RIMBP2: variants seen among roughly 807,000 people sequenced by gnomAD.
RIMBP2 encodes RIMS binding protein 2, also known as RIMS-binding protein 2.
RIMBP2 carries 48 observed loss-of-function variants against 118.6 expected under a neutral mutation model. That is an observed-to-expected ratio of 0.40 (90% CI 0.32 to 0.51). The LOEUF (loss-of-function observed/expected upper bound fraction) is 0.51. RIMBP2 is among the 20% of genes least tolerant of loss of function. The pLI, the probability that RIMBP2 is intolerant of heterozygous loss-of-function variation, is 0.41. For missense variants in RIMBP2, 1,551 were observed against 1,768.3 expected (o/e 0.88, Z 2.20); for synonymous variants, 762 against 742.9 (o/e 1.03, Z -0.42).
rs147517687 is a variant in RIMBP2 at position 130,437,153 on chromosome 12, G to C, written c.1795C>G (p.Pro599Ala). The C allele has an allele frequency of 6.3e-7, 1 of 1,585,690 alleles. No individual in the cohort carries two copies. The highest frequency in any genetic ancestry group is 1.1e-5 in the South Asian group (1 of 87,710). ...GTAGGAGGCACCAGGAGCTCGGGGG[G>C]AACGGCAGCAACTGCAGAGTCCACG... ...ESVDSAVAAV[P>A]PELLVPPTPH... Residue 599 changes from proline to alanine, a missense_variant, in exon 13 of 23, where the codon CCC becomes GCC. Around this residue, in one of 5 missense-constraint regions of RIMBP2, gnomAD observed 1,038 missense variants for 1,125.1 expected, o/e 0.92. Transcript: ENST00000690449.
Position 130,424,970 on chromosome 12 carries a change from G to A in RIMBP2, c.2413-112C>T, listed in dbSNP as rs550530310. 253 of 544,032 alleles carry A rather than the reference G, an allele frequency of 4.7e-4. 2 individuals are homozygous for A. The East Asian group carries it at 7.1e-3, about 15-fold the overall frequency. 33.7% of individuals were successfully genotyped at this position (544,032 alleles called of 1,614,324 possible). On this transcript the variant is annotated intron_variant, in intron 15 of 22. Coordinates refer to ENST00000690449, the MANE Select transcript of RIMBP2 (RefSeq NM_001393629.1). The surrounding 1 kb of genome is among the most constrained non-coding windows in gnomAD (Gnocchi z 9.8). ...ACAGAATTAGTCCTGGAGGCACCGAGGGGGGGGAAGCATGCGTCTACTCAG... is the reference window on the plus strand; with the variant it reads ...ACAGAATTAGTCCTGGAGGCACCGAAGGGGGGGAAGCATGCGTCTACTCAG...
chr12:130,579,405 C>T (rs547533748), intron 2 of RIMBP2, among the ~76,000 whole-genome samples: 3 of 152,284 alleles, frequency 2.0e-5, no homozygotes, highest in Non-Finnish European at 4.4e-5. Flanking sequence ...TGGTAGATGA[C>T]GTTTCACACC....
intron 1 of RIMBP2, among the ~76,000 whole-genome samples, chr12:130,645,764 G>T (rs1457794405): frequency 6.6e-6 from 1 of 152,158 alleles, no homozygotes; most frequent in Non-Finnish European, 1.5e-5. Context: ...GGACTTTCAG[G>T]TTATTTAAAC....
In RIMBP2 at chr12:130,442,375, A is replaced by G; in HGVS notation, c.977T>C (p.Leu326Pro). 6.2e-7 allele frequency: 1 copy of G among 1,613,898 alleles called. No homozygotes were observed. Among genetic ancestry groups the G allele is most frequent in the Non-Finnish European group, 8.5e-7 (1 of 1,179,984 alleles). ...YPRKITLIKQ[L>P]AKSVIVGWEP... The stretch of plus-strand genomic sequence containing the variant: ...CCAGCCCACAATAACACTTTTGGCG[A>G]GTTGTTTGATGAGGGTGATTTTTCT... Residue 326 changes from leucine (L) to proline (P), a missense_variant, in exon 11 of 23, where the codon CTC (leucine) becomes CCC (proline). By Grantham distance (98) the Leu-to-Pro change is moderately conservative. This residue lies in a region of RIMBP2 where 265 missense variants were observed against 349.5 expected (regional missense o/e 0.76). Transcript: ENST00000690449. This position sits in a 1 kb window ranked among gnomAD's most constrained non-coding sequence, Gnocchi z 6.9.
At position 130,414,188 on chromosome 12, in the gene RIMBP2, G is replaced by A; in HGVS notation, c.3357C>T (p.Thr1119=). ...FVALFDYDPL[T]MSPNPDAAEE... ...CTGCAGCATCTGGGTTTGGGGACAT[G>A]GTGAGCGGGTCGTAGTCAAAGAGAG... Residue 1119 remains threonine, a synonymous_variant, in exon 18 of 23, where the codon ACC becomes ACT. Coordinates refer to ENST00000690449, the MANE Select transcript of RIMBP2 (RefSeq NM_001393629.1). 1 of 1,614,244 alleles carries A rather than the reference G, an allele frequency of 6.2e-7. No homozygotes were observed. The highest frequency in any genetic ancestry group is 8.5e-7 in the Non-Finnish European group (1 of 1,180,054).
intron 1 of RIMBP2, among the ~76,000 whole-genome samples, chr12:130,701,841 G>T (rs2065870991): frequency 6.6e-6 from 1 of 152,098 alleles, no homozygotes; most frequent in African/African-American, 2.4e-5. Context: ...AAGGAGCCGG[G>T]ATCAGGGTTG....
At position 130,581,908 on chromosome 12, in the gene RIMBP2, G is replaced by A. The variant is rs1038758894; in HGVS notation, c.-217+46414C>T. The stretch of plus-strand genomic sequence containing the variant: ...CAGAGTTAAACCAAAGGCCCGAAAG[G>A]CTCTGCATGACCTGGCCTCTCCTCC... On this transcript the variant is annotated intron_variant, in intron 2 of 22. Coordinates refer to ENST00000690449, the MANE Select transcript of RIMBP2 (RefSeq NM_001393629.1). This position sits in a 1 kb window ranked among gnomAD's most constrained non-coding sequence, Gnocchi z 4.4. Among the ~76,000 whole-genome samples, 1 of 152,030 alleles carries A rather than the reference G, an allele frequency of 6.6e-6. No homozygotes were observed.
chr12:130,465,641 T>C (rs58311858), intron 6 of RIMBP2: 3,177 of 152,082 alleles, frequency 0.021, 93 homozygotes, highest in East Asian at 0.16. Flanking sequence ...ATCAGCAAAA[T>C]GAGGTGACAG....
intron 2 of RIMBP2, among the ~76,000 whole-genome samples, chr12:130,556,344 C>G (rs538119976): frequency 6.6e-6 from 1 of 152,074 alleles, no homozygotes; most frequent in South Asian, 2.1e-4. Context: ...CCCTAGAGAC[C>G]GATGATTCAT....
At chr12:130,484,464 C>A (rs1183707474) in intron 4 of RIMBP2, among the ~76,000 whole-genome samples, 1 of 152,236 alleles carries the variant, frequency 6.6e-6, no homozygotes, top group Admixed American at 6.5e-5. Flanking sequence ...TGTTCTCCAC[C>A]TGCCTTATTT....
chr12:130,500,737 G>T (rs2049678335), intron 4 of RIMBP2, among the ~76,000 whole-genome samples: 1 of 152,074 alleles, frequency 6.6e-6, no homozygotes, highest in Non-Finnish European at 1.5e-5. Flanking sequence ...TTAATTCACA[G>T]GCCGCATGTC....
rs565369548 is a variant in RIMBP2 at position 130,396,748 on chromosome 12, G to C, written c.*613C>G. On this transcript the variant is annotated 3_prime_UTR_variant, in exon 23 of 23. Coordinates refer to ENST00000690449, the MANE Select transcript of RIMBP2 (RefSeq NM_001393629.1). ...GAATGATTGAGTAAACATTTTCTGTGTGTAGCCTGGCTGGCTTTGAAAGAC... is the reference window on the plus strand; with the variant it reads ...GAATGATTGAGTAAACATTTTCTGTCTGTAGCCTGGCTGGCTTTGAAAGAC... 6.6e-6 allele frequency: 1 copy of C among 152,626 alleles called. No individual in the cohort carries two copies. Among genetic ancestry groups the C allele is most frequent in the Non-Finnish European group, 1.5e-5 (1 of 68,036 alleles). 9.5% of individuals were successfully genotyped at this position (152,626 alleles called of 1,614,324 possible).
chr12:130,713,153 C>T (rs114301951), intron 1 of RIMBP2, among the ~76,000 whole-genome samples: 2,349 of 114,052 alleles, frequency 0.021, 130 homozygotes, highest in African/African-American at 0.082. Context: ...CTGAAAGAAA[C>T]GGAATAAAAG....
intron 2 of RIMBP2, among the ~76,000 whole-genome samples, chr12:130,544,398 T>A (rs145830371): frequency 6.6e-6 from 1 of 152,300 alleles, no homozygotes; most frequent in East Asian, 1.9e-4. Flanking sequence ...CTGATCCTAC[T>A]CATTGATGCT....
At chr12:130,481,123 G>A (rs1226197837) in intron 4 of RIMBP2, among the ~76,000 whole-genome samples, 5 of 150,004 alleles carry the variant, frequency 3.3e-5, no homozygotes, top group African/African-American at 4.9e-5. Context: ...TCAGGGGGAG[G>A]GGTGTGGCCC....
chr12:130,470,755 T>G lies in RIMBP2; in HGVS notation c.103-12A>C. ...GCCTCAACCTGAGCCTTTTTTATGATGAAAAGAGAGAAAAGAGTAAATGTC... is the reference window on the plus strand; with the variant it reads ...GCCTCAACCTGAGCCTTTTTTATGAGGAAAAGAGAGAAAAGAGTAAATGTC... On this transcript the variant is annotated splice_polypyrimidine_tract_variant and intron_variant, in intron 5 of 22. Coordinates refer to ENST00000690449, the MANE Select transcript of RIMBP2 (RefSeq NM_001393629.1). 1 of 1,229,838 alleles carries G rather than the reference T, an allele frequency of 8.1e-7. No individual in the cohort carries two copies. The highest frequency in any genetic ancestry group is 1.0e-6 in the Non-Finnish European group (1 of 986,084). The allele number at this position is 1,229,838 out of a possible 1,614,324, so 76.2% of individuals were successfully genotyped here.
chr12:130,616,134 G>A (rs1031704070), intron 2 of RIMBP2, among the ~76,000 whole-genome samples: 2 of 152,102 alleles, frequency 1.3e-5, no homozygotes, highest in South Asian at 2.1e-4. Context: ...AGATCACAAC[G>A]TTCCGCCTGC....
chr12:130,517,976 G>C (rs1255881170), intron 2 of RIMBP2, 59 bp from the exon 3 acceptor site: 1 of 701,664 alleles, frequency 1.4e-6, no homozygotes, highest in African/African-American at 1.9e-5. Flanking sequence ...ACTTGGTAGA[G>C]TGCAGTGGTT....
intron 9 of RIMBP2, among the ~76,000 whole-genome samples, chr12:130,445,662 T>C (rs940171684): frequency 2.0e-5 from 3 of 152,236 alleles, no homozygotes; most frequent in African/African-American, 7.2e-5. Context: ...GAATCATATA[T>C]ACTATTTAGC....
Sources: allele counts gnomAD v4.1 joint callset (sites outside exome capture counted in the v4.1 genomes callset), GRCh38; gene constraint gnomAD v4.1.1; regional missense constraint gnomAD v4.1.1; non-coding constraint Gnocchi (gnomAD v3.1); transcripts MANE v1.5; gene names NCBI Gene and HGNC (gene_info 2026-07-23, HGNC 2026-07-21).